HOXC8: variants seen among roughly 807,000 people sequenced by gnomAD.
The protein encoded by HOXC8 is homeobox protein Hox-C8.
Under a neutral mutation model 25.8 loss-of-function variants are expected in HOXC8, and 14 were observed. The ratio of observed to expected loss-of-function variants is 0.54; its 90% CI spans 0.36 to 0.85. The LOEUF (loss-of-function observed/expected upper bound fraction) is 0.85. Ranked by LOEUF, HOXC8 falls within the 40% of genes least tolerant of loss-of-function variation. HOXC8 has a pLI of 0.01. For synonymous variants in HOXC8, 144 were observed against 124.6 expected, an observed-to-expected ratio of 1.16 and a Z score of -1.04; for missense variants, 316 against 308.8, an observed-to-expected ratio of 1.02 and a Z score of -0.17.
chr12:54,009,416 C>A lies in HOXC8; in HGVS notation c.132C>A (p.Gly44=), dbSNP rs756079476. 4.3e-6 allele frequency: 7 copies of A among 1,614,090 alleles called. No individual in the cohort carries two copies. The highest frequency in any genetic ancestry group is 1.1e-5 in the South Asian group (1 of 91,068). The change falls in exon 1 of 2, where the codon GGC becomes GGA. Residue 44 remains glycine (G), a synonymous_variant. Coordinates refer to ENST00000040584, the MANE Select transcript of HOXC8 (RefSeq NM_022658.4). This position sits in a 1 kb window ranked among gnomAD's most constrained non-coding sequence, Gnocchi z 5.0. Reference sequence around the variant, plus strand: ...ATGCGCTGGTGTACGGGCCCGGCGGCTCGGCGCCCGGCTTCCAGCACGCTT... The same window carrying A: ...ATGCGCTGGTGTACGGGCCCGGCGGATCGGCGCCCGGCTTCCAGCACGCTT... ...RSHALVYGPG[G]SAPGFQHASH...
rs1345421127 is a variant in HOXC8, at chr12:54,009,786, T to G, written c.436+66T>G. 1 of 1,385,996 alleles carries G rather than the reference T, an allele frequency of 7.2e-7. No homozygotes were observed. The highest frequency in any genetic ancestry group is 1.0e-6 in the Non-Finnish European group (1 of 989,054). 85.9% of individuals were successfully genotyped at this position (1,385,996 alleles called of 1,614,324 possible). ...CCAGGGTTTCCCCCCCTCCCTCGCCTCCTTTTTGTCTGCCCTCGCTTTTTC... is the reference window on the plus strand; with the variant it reads ...CCAGGGTTTCCCCCCCTCCCTCGCCGCCTTTTTGTCTGCCCTCGCTTTTTC... On this transcript the variant is annotated intron_variant, in intron 1 of 1. Transcript: ENST00000040584. This position sits in a 1 kb window ranked among gnomAD's most constrained non-coding sequence, Gnocchi z 5.0.
chr12:54,011,419 T>C lies in HOXC8; in HGVS notation c.*38T>C. On this transcript the variant is annotated 3_prime_UTR_variant, in exon 2 of 2. Transcript: ENST00000040584. ...GACCCCCCCCCCCTTAGCAACTCCC[T>C]TGAAGTTTCGTTTTATGGTAGCAGA... 1 of 1,121,188 alleles carries C rather than the reference T, an allele frequency of 8.9e-7. No individual in the cohort carries two copies. Among genetic ancestry groups the C allele is most frequent in the Non-Finnish European group, 1.2e-6 (1 of 822,068 alleles). 69.5% of individuals were successfully genotyped at this position (1,121,188 alleles called of 1,614,324 possible).
rs757355916 is a variant in HOXC8 at position 54,009,410 on chromosome 12, C to T, written c.126C>T (p.Pro42=). Residue 42 remains proline, a synonymous_variant, in exon 1 of 2, where the codon CCC becomes CCT. Transcript: ENST00000040584. The surrounding 1 kb of genome is among the most constrained non-coding windows in gnomAD (Gnocchi z 5.0). The part of the protein sequence containing the change: ...VGRSHALVYG[P]GGSAPGFQHA... Reference sequence around the variant, plus strand: ...GGAGCCATGCGCTGGTGTACGGGCCCGGCGGCTCGGCGCCCGGCTTCCAGC... The same window carrying T: ...GGAGCCATGCGCTGGTGTACGGGCCTGGCGGCTCGGCGCCCGGCTTCCAGC... The T allele has an allele frequency of 8.1e-6, 13 of 1,613,970 alleles. No homozygotes were observed. The Admixed American group carries it at 2.0e-4, about 25-fold the overall frequency.
Position 54,011,814 on chromosome 12 carries a change from G to GT in HOXC8, c.*438dup, listed in dbSNP as rs1356612623. 1 of 153,102 alleles carries GT rather than the reference G, an allele frequency of 6.5e-6. No individual in the cohort carries two copies. Among genetic ancestry groups the GT allele is most frequent in the African/African-American group, 2.4e-5 (1 of 41,384 alleles). 9.5% of individuals were successfully genotyped at this position (153,102 alleles called of 1,614,324 possible). ...AATGCAGAAAAGGACTTGTGGTTTT[G>GT]TTTTTATGCTAAGGCTAGTGTACTA... is the stretch of plus-strand genomic sequence containing the variant. On this transcript the variant is annotated 3_prime_UTR_variant, in exon 2 of 2. Coordinates refer to ENST00000040584, the MANE Select transcript of HOXC8 (RefSeq NM_022658.4).
At chr12:54,010,088 C>CT (rs1784944242) in intron 1 of HOXC8, among the ~76,000 whole-genome samples, 1 of 152,212 alleles carries the variant, frequency 6.6e-6, no homozygotes, top group African/African-American at 2.4e-5. Flanking sequence ...TACCCTGAGA[C>CT]TGTCAGCCTT....
Position 54,009,256 on chromosome 12 carries a change from A to T in HOXC8, c.-29A>T. On this transcript the variant is annotated 5_prime_UTR_variant, in exon 1 of 2. Transcript: ENST00000040584. This position sits in a 1 kb window ranked among gnomAD's most constrained non-coding sequence, Gnocchi z 5.0. ...GCGGGGTACTCGTGAGCCAGAGGGG[A>T]GGGGGCCGCGGGTTTTCATGTACCC... The T allele has an allele frequency of 6.5e-7, 1 of 1,534,178 alleles. No homozygotes were observed. The highest frequency in any genetic ancestry group is 8.8e-7 in the Non-Finnish European group (1 of 1,133,664).
At position 54,011,085 on chromosome 12, in the gene HOXC8, C is replaced by A; in HGVS notation, c.437-4C>A. On this transcript the variant is annotated splice_region_variant and splice_polypyrimidine_tract_variant and intron_variant, in intron 1 of 1. Transcript: ENST00000040584. ...TAACCAGACTGGGGTTTTCTTCTGT[C>A]CAGCTCCGGGGAGGCGCAGTGGACG... The A allele has an allele frequency of 1.9e-6, 3 of 1,611,054 alleles. No individual in the cohort carries two copies. In the South Asian group the frequency reaches 3.3e-5, roughly 18 times the overall value.
In HOXC8 at chr12:54,011,880, AGAAAG is replaced by A. The variant is rs1282466530; in HGVS notation, c.*508_*512del. On this transcript the variant is annotated 3_prime_UTR_variant, in exon 2 of 2. Transcript: ENST00000040584. ...AAAAGGAAAGGACAGAAAAAAATGA[AGAAAG>A]GAAAGGAAGACAAATGTAAAGAAAT... is the stretch of plus-strand genomic sequence containing the variant. 5 of 152,246 alleles carry A rather than the reference AGAAAG, an allele frequency of 3.3e-5. No individual in the cohort carries two copies. The highest frequency in any genetic ancestry group is 1.2e-4 in the African/African-American group (5 of 41,424). 9.4% of individuals were successfully genotyped at this position (152,246 alleles called of 1,614,324 possible). A position where few individuals can be genotyped will look rare whatever the true frequency, so the allele number is the denominator to read the frequency against.
In HOXC8 at chr12:54,009,814, C is replaced by T. The variant is rs1939944768; in HGVS notation, c.436+94C>T. On this transcript the variant is annotated intron_variant, in intron 1 of 1. Transcript: ENST00000040584. The surrounding 1 kb of genome is among the most constrained non-coding windows in gnomAD (Gnocchi z 5.0). ...TTTTTGTCTGCCCTCGCTTTTTCTC[C>T]TGGCTTTGGGGTCTCTCCCGCCCCA... The T allele has an allele frequency of 1.7e-6, 2 of 1,179,710 alleles. No homozygotes were observed. Among genetic ancestry groups the T allele is most frequent in the Non-Finnish European group, 2.5e-6 (2 of 814,024 alleles). 73.1% of individuals were successfully genotyped at this position (1,179,710 alleles called of 1,614,324 possible).
Position 54,012,635 on chromosome 12 carries a change from A to G in HOXC8, c.*1254A>G, listed in dbSNP as rs1025468989. Among the ~76,000 whole-genome samples, 5 of 152,204 alleles carry G rather than the reference A, an allele frequency of 3.3e-5. No homozygotes were observed. The highest frequency in any genetic ancestry group is 1.2e-4 in the African/African-American group (5 of 41,458). On this transcript the variant is annotated 3_prime_UTR_variant, in exon 2 of 2. Coordinates refer to ENST00000040584, the MANE Select transcript of HOXC8 (RefSeq NM_022658.4). Reference sequence around the variant, plus strand: ...AAAAAATGTTAAAAATATATCTATAATAATAATTTTTTGTCATTTGTCTTT... The same window carrying G: ...AAAAAATGTTAAAAATATATCTATAGTAATAATTTTTTGTCATTTGTCTTT...
In HOXC8 at chr12:54,011,381, A is replaced by T; in HGVS notation, c.729A>T (p.Ter243TyrextTer22). ...EEEEKEENKD* is the reference protein window; with the variant it reads ...EEEEKEENKDY ...AGGAAAAGGAAGAAAACAAGGACTAAGCAAAAAAGAAAGACCCCCCCCCCC... is the reference window on the plus strand; with the variant it reads ...AGGAAAAGGAAGAAAACAAGGACTATGCAAAAAAGAAAGACCCCCCCCCCC... The change falls in exon 2 of 2, where the codon TAA becomes TAT. Residue 243 changes from the stop codon to tyrosine (Y), a stop_lost. Coordinates refer to ENST00000040584, the MANE Select transcript of HOXC8 (RefSeq NM_022658.4). 6.8e-7 allele frequency: 1 copy of T among 1,471,072 alleles called. No individual in the cohort carries two copies. Among genetic ancestry groups the T allele is most frequent in the Non-Finnish European group, 8.9e-7 (1 of 1,120,556 alleles). The allele number at this position is 1,471,072 out of a possible 1,614,324, so 91.1% of individuals were successfully genotyped here.
intron 1 of HOXC8, among the ~76,000 whole-genome samples, chr12:54,010,735 T>A (rs1201293273): frequency 3.3e-5 from 5 of 152,160 alleles, no homozygotes; most frequent in Non-Finnish European, 1.5e-5. Context: ...TTGGAAACAG[T>A]CTGTCCCCAG....
Position 54,009,727 on chromosome 12 carries a change from A to C in HOXC8, c.436+7A>C, listed in dbSNP as rs1176992734. 2 of 1,611,632 alleles carry C rather than the reference A, an allele frequency of 1.2e-6. No homozygotes were observed. The highest frequency in any genetic ancestry group is 1.7e-6 in the Non-Finnish European group (2 of 1,177,896). On this transcript the variant is annotated splice_region_variant and intron_variant, in intron 1 of 1. Transcript: ENST00000040584. This position sits in a 1 kb window ranked among gnomAD's most constrained non-coding sequence, Gnocchi z 5.0. ...CCATGGATGAGACCCCACGGTGAGAAGCCTTTTCTCTTTCCCCCTTGGTCT... is the reference window on the plus strand; with the variant it reads ...CCATGGATGAGACCCCACGGTGAGACGCCTTTTCTCTTTCCCCCTTGGTCT...
Position 54,011,395 on chromosome 12 carries a change from ACCCC to A in HOXC8, c.*22_*25del. 8.7e-7 allele frequency: 1 copy of A among 1,151,960 alleles called. No individual in the cohort carries two copies. The highest frequency in any genetic ancestry group is 1.1e-6 in the Non-Finnish European group (1 of 890,590). The allele number at this position is 1,151,960 out of a possible 1,614,324, so 71.4% of individuals were successfully genotyped here. The stretch of plus-strand genomic sequence containing the variant: ...AACAAGGACTAAGCAAAAAAGAAAG[ACCCC>A]CCCCCCCTTAGCAACTCCCTTGAAG... On this transcript the variant is annotated 3_prime_UTR_variant, in exon 2 of 2. Transcript: ENST00000040584.
Position 54,011,395 on chromosome 12 carries a change from ACC to A in HOXC8, c.*24_*25del, listed in dbSNP as rs375330102. ...AACAAGGACTAAGCAAAAAAGAAAG[ACC>A]CCCCCCCCCTTAGCAACTCCCTTGA... On this transcript the variant is annotated 3_prime_UTR_variant, in exon 2 of 2. Transcript: ENST00000040584. 2.5e-3 allele frequency: 2,856 copies of A among 1,141,272 alleles called. No individual in the cohort carries two copies. Among genetic ancestry groups the A allele is most frequent in the Admixed American group, 3.8e-3 (117 of 31,034 alleles). 70.7% of individuals were successfully genotyped at this position (1,141,272 alleles called of 1,614,324 possible). A position where few individuals can be genotyped will look rare whatever the true frequency, so the allele number is the denominator to read the frequency against.
chr12:54,011,565 T>A lies in HOXC8; in HGVS notation c.*184T>A. 1.4e-6 allele frequency: 1 copy of A among 716,434 alleles called. No homozygotes were observed. Among genetic ancestry groups the A allele is most frequent in the Non-Finnish European group, 2.0e-6 (1 of 490,914 alleles). The allele number at this position is 716,434 out of a possible 1,614,324, so 44.4% of individuals were successfully genotyped here. On this transcript the variant is annotated 3_prime_UTR_variant, in exon 2 of 2. Transcript: ENST00000040584. ...TATTACCTTTGGACTTCCCCCACTC[T>A]TTATTTGTTTGGGGGCTGGAGGGGG...
At chr12:54,010,670 G>C (rs931431665) in intron 1 of HOXC8, among the ~76,000 whole-genome samples, 1 of 152,352 alleles carries the variant, frequency 6.6e-6, no homozygotes, top group South Asian at 2.1e-4. Flanking sequence ...GAGAGACAAG[G>C]AGAGGGCAGT....
chr12:54,009,431 C>G lies in HOXC8; in HGVS notation c.147C>G (p.Phe49Leu). 6.2e-7 allele frequency: 1 copy of G among 1,614,134 alleles called. No individual in the cohort carries two copies. The highest frequency in any genetic ancestry group is 8.5e-7 in the Non-Finnish European group (1 of 1,180,002). The part of the protein sequence containing the change: ...VYGPGGSAPG[F>L]QHASHHVQDF... ...GGCCCGGCGGCTCGGCGCCCGGCTTCCAGCACGCTTCGCACCACGTTCAAG... is the reference window on the plus strand; with the variant it reads ...GGCCCGGCGGCTCGGCGCCCGGCTTGCAGCACGCTTCGCACCACGTTCAAG... Residue 49 changes from phenylalanine to leucine, a missense_variant, in exon 1 of 2, where the codon TTC (phenylalanine) becomes TTG (leucine). By Grantham distance (22) the Phe-to-Leu change is conservative (BLOSUM62 0). Coordinates refer to ENST00000040584, the MANE Select transcript of HOXC8 (RefSeq NM_022658.4). This position sits in a 1 kb window ranked among gnomAD's most constrained non-coding sequence, Gnocchi z 5.0.
rs1565729890 is a variant in HOXC8 at position 54,011,197 on chromosome 12, T to C, written c.545T>C (p.Val182Ala). The change falls in exon 2 of 2, where the codon GTC (valine) becomes GCC (alanine). Residue 182 changes from valine (V) to alanine (A), a missense_variant. Physicochemically the swap from Val to Ala is moderately conservative, Grantham distance 64 (BLOSUM62 0). Coordinates refer to ENST00000040584, the MANE Select transcript of HOXC8 (RefSeq NM_022658.4). ...PYLTRKRRIE[V>A]SHALGLTERQ... ...TTGACACGAAAACGTCGGATTGAAG[T>C]CTCTCATGCCCTGGGACTGACCGAG... 1.9e-6 allele frequency: 3 copies of C among 1,613,802 alleles called. No homozygotes were observed. The highest frequency in any genetic ancestry group is 1.6e-4 in the Middle Eastern group (1 of 6,062).
Sources: gnomAD v4.1 joint callset for allele counts (sites outside exome capture counted in the v4.1 genomes callset) on GRCh38, gnomAD v4.1.1 for gene constraint, Gnocchi (gnomAD v3.1) non-coding constraint, MANE v1.5 for transcripts, NCBI Gene and HGNC (gene_info 2026-07-23, HGNC 2026-07-21) for gene names.